The following RANBP2 variants were observed in gnomAD, a reference collection of about 807,000 sequenced individuals.
RANBP2 encodes E3 SUMO-protein ligase RanBP2.
RANBP2 carries 57 observed loss-of-function variants against 303.6 expected under a neutral mutation model. The observed-to-expected ratio is 0.19, with a 90% CI of 0.15 to 0.23. The LOEUF is 0.23. RANBP2 is among the 10% of genes least tolerant of loss of function. The probability of loss-of-function intolerance (pLI) is 1.00; values close to 1 mark genes in which losing one functional copy is unlikely to be tolerated. For synonymous variants in RANBP2, 1,167 were observed against 1,301.5 expected (o/e 0.90, Z 2.23); for missense variants, 3,138 against 3,780.8 (o/e 0.83, Z 4.46).
intron 20 of RANBP2, among the ~76,000 whole-genome samples, chr2:108,770,160 T>C (rs1368641302): frequency 6.6e-6 from 1 of 152,172 alleles, no homozygotes; most frequent in Non-Finnish European, 1.5e-5. Flanking sequence ...TAGAGCCTTA[T>C]TTTGTTTTGA....
chr2:109,012,265 G>A, the RANBP2 span, among the ~76,000 whole-genome samples: 6 of 152,192 alleles, frequency 3.9e-5, no homozygotes, highest in Non-Finnish European at 7.3e-5. Context: ...TGGAGGGTAT[G>A]AGCCTGACTG....
chr2:109,233,757 T>C, the RANBP2 span, among the ~76,000 whole-genome samples: 1 of 152,210 alleles, frequency 6.6e-6, no homozygotes, highest in South Asian at 2.1e-4. Flanking sequence ...AGCTTTCTGT[T>C]CCTGCCGTTT....
chr2:109,432,667 T>C, the RANBP2 span: 4 of 1,611,364 alleles, frequency 2.5e-6, no homozygotes, highest in East Asian at 6.7e-5. Flanking sequence ...GACACCCGTT[T>C]CCAGGTGAGG....
chr2:109,687,121 T>C, the RANBP2 span, among the ~76,000 whole-genome samples: 1 of 152,234 alleles, frequency 6.6e-6, no homozygotes, highest in Admixed American at 6.5e-5. Flanking sequence ...ATCTGATTTT[T>C]TTTTCACTCA....
chr2:109,168,014 A>G, the RANBP2 span, among the ~76,000 whole-genome samples: 1 of 152,214 alleles, frequency 6.6e-6, no homozygotes, highest in South Asian at 2.1e-4. Context: ...TAAATGTGGC[A>G]TGGGAGGGAA....
the RANBP2 span, among the ~76,000 whole-genome samples, chr2:109,387,740 G>C: frequency 6.6e-6 from 1 of 152,012 alleles, no homozygotes; most frequent in Non-Finnish European, 1.5e-5. Context: ...TCCTTGTCTG[G>C]GTATCTGGGA....
chr2:109,697,858 GTTTTT>G, the RANBP2 span, among the ~76,000 whole-genome samples: 1 of 127,650 alleles, frequency 7.8e-6, no homozygotes. Context: ...TTAGTCTAAA[GTTTTT>G]TTTTTTTTTT....
chr2:109,402,555 G>C, the RANBP2 span, among the ~76,000 whole-genome samples: 1 of 152,198 alleles, frequency 6.6e-6, no homozygotes, highest in Admixed American at 6.5e-5. Context: ...CTACAGCATG[G>C]GGCAGTGCTG....
At chr2:109,373,132 A>G in the RANBP2 span, among the ~76,000 whole-genome samples, 3 of 151,592 alleles carry the variant, frequency 2.0e-5, no homozygotes, top group East Asian at 1.9e-4. Flanking sequence ...ACACACACAC[A>G]CTCTCCTGTA....
the RANBP2 span, among the ~76,000 whole-genome samples, chr2:108,966,041 TA>T: frequency 2.0e-5 from 3 of 152,182 alleles, no homozygotes; most frequent in Admixed American, 2.0e-4. Flanking sequence ...ATACCACAAT[TA>T]AAACATTCAA....
chr2:109,496,198 C>T, the RANBP2 span, among the ~76,000 whole-genome samples: 30 of 152,210 alleles, frequency 2.0e-4, no homozygotes, highest in East Asian at 4.6e-3. Context: ...TTACAGAGTG[C>T]GGATTGGTGC....
At chr2:108,842,675 T>A in the RANBP2 span, among the ~76,000 whole-genome samples, 2 of 152,128 alleles carry the variant, frequency 1.3e-5, no homozygotes, top group African/African-American at 4.8e-5. Context: ...GGAGGAGTTG[T>A]CTAAGGCAGA....
the RANBP2 span, among the ~76,000 whole-genome samples, chr2:108,831,874 A>C: frequency 6.6e-6 from 1 of 152,000 alleles, no homozygotes; most frequent in African/African-American, 2.4e-5. Context: ...CTGGGATTGC[A>C]GGCACTGGCC....
the RANBP2 span, chr2:109,667,340 C>T: frequency 1.9e-6 from 1 of 532,746 alleles, no homozygotes; most frequent in Non-Finnish European, 3.5e-6. Context: ...AAATAACACT[C>T]TTGGCAGCAC....
chr2:109,160,842 A>T, the RANBP2 span, among the ~76,000 whole-genome samples: 1 of 152,166 alleles, frequency 6.6e-6, no homozygotes, highest in Non-Finnish European at 1.5e-5. Context: ...TCCAGCTGTA[A>T]TGGACAGGGC....
At chr2:109,102,426 C>T in the RANBP2 span, among the ~76,000 whole-genome samples, 2 of 36,992 alleles carry the variant, frequency 5.4e-5, no homozygotes, top group African/African-American at 5.2e-5. Flanking sequence ...AAAAGAATTC[C>T]GCTTCAAAAA....
the RANBP2 span, among the ~76,000 whole-genome samples, chr2:109,708,073 C>T: frequency 1.3e-5 from 2 of 152,284 alleles, no homozygotes; most frequent in African/African-American, 4.8e-5. Flanking sequence ...AAGCAAGACC[C>T]CAGGTCAGGC....
the RANBP2 span, among the ~76,000 whole-genome samples, chr2:109,702,354 A>T: frequency 6.6e-6 from 1 of 152,228 alleles, no homozygotes; most frequent in East Asian, 1.9e-4. Context: ...AACTCTGCCC[A>T]TACCATTGCT....
chr2:109,004,043 G>C, the RANBP2 span, among the ~76,000 whole-genome samples: 1 of 152,204 alleles, frequency 6.6e-6, no homozygotes, highest in Non-Finnish European at 1.5e-5. Context: ...AGGACAAAGA[G>C]TGAATGGGAG....
Sources: allele counts gnomAD v4.1 joint callset (sites outside exome capture counted in the v4.1 genomes callset), GRCh38; gene constraint gnomAD v4.1.1; transcripts MANE v1.5; gene names NCBI Gene and HGNC (gene_info 2026-07-23, HGNC 2026-07-21).